The following STEAP1B variants were observed in gnomAD, a reference collection of about 807,000 sequenced individuals.
The protein encoded by STEAP1B is STEAP family member 1B, also known as STEAP family protein MGC87042.
Under a neutral mutation model 27.9 loss-of-function variants are expected in STEAP1B, and 13 were observed. The observed-to-expected ratio is 0.47, with a 90% CI of 0.30 to 0.74. STEAP1B has a LOEUF of 0.74. STEAP1B is among the 30% of genes least tolerant of loss of function. The pLI is 0.06. For missense variants in STEAP1B, 250 were observed against 298.7 expected, an observed-to-expected ratio of 0.84 and a Z score of 1.20; for synonymous variants, 86 against 107.1, an observed-to-expected ratio of 0.80 and a Z score of 1.22.
Position 22,419,828 on chromosome 7 carries a change from A to T in STEAP1B, c.771T>A (p.Gly257=), listed in dbSNP as rs1394472613. ...WREFHYIQVH[G]RINFLTL ...GTCACAAGGTCAGGAAGTTGATCCT[A>T]CCATGTACCTGGAAGGCAGACAGCA... Residue 257 remains glycine (G), a synonymous_variant, in exon 5 of 5, where the codon GGT becomes GGA. Transcript: ENST00000678116. 2 of 1,550,070 alleles carry T rather than the reference A, an allele frequency of 1.3e-6. No individual in the cohort carries two copies. Among genetic ancestry groups the T allele is most frequent in the East Asian group, 4.9e-5 (2 of 40,838 alleles).
At chr7:22,441,957 T>C (rs1370565948) in intron 4 of STEAP1B, among the ~76,000 whole-genome samples, 1 of 152,222 alleles carries the variant, frequency 6.6e-6, no homozygotes, top group Non-Finnish European at 1.5e-5. Flanking sequence ...GACTTTTCTT[T>C]CTTTAGTCAG....
intron 4 of STEAP1B, among the ~76,000 whole-genome samples, chr7:22,470,807 C>G (rs1785868467): frequency 6.6e-6 from 1 of 152,150 alleles, no homozygotes; most frequent in African/African-American, 2.4e-5. Context: ...TAAGCAGGAA[C>G]TGGGTGAAGC....
At chr7:22,444,558 A>C (rs918178974) in intron 4 of STEAP1B, among the ~76,000 whole-genome samples, 2 of 152,198 alleles carry the variant, frequency 1.3e-5, no homozygotes, top group African/African-American at 4.8e-5. Context: ...CATGGAGAAA[A>C]TGTCCCATCG....
At chr7:22,449,275 C>T (rs3114714) in intron 4 of STEAP1B, among the ~76,000 whole-genome samples, 1 of 151,958 alleles carries the variant, frequency 6.6e-6, no homozygotes, top group Non-Finnish European at 1.5e-5. Context: ...CATCCCCACC[C>T]CCTGATCTCC....
At chr7:22,455,711 T>C (rs908505083) in intron 4 of STEAP1B, among the ~76,000 whole-genome samples, 66 of 152,366 alleles carry the variant, frequency 4.3e-4, no homozygotes, top group African/African-American at 1.5e-3. Context: ...AAGATCAAAA[T>C]ACTGTGTCTT....
chr7:22,472,240 G>A (rs1785897813), intron 4 of STEAP1B, among the ~76,000 whole-genome samples: 1 of 152,208 alleles, frequency 6.6e-6, no homozygotes, highest in Admixed American at 6.5e-5. Flanking sequence ...CTGTGCAAAT[G>A]TGGTAAGTTG....
rs1351217823 is a variant in STEAP1B, at chr7:22,479,570, T to A, written c.762+12995A>T. Among the ~76,000 whole-genome samples the A allele has an allele frequency of 3.3e-5, 5 of 151,328 alleles. No individual in the cohort carries two copies. In the East Asian group the frequency reaches 9.7e-4, roughly 29 times the overall value. ...TATGTGTAACTTGCTGACTTCAGACTCCCCTAGTTGCCCACATACTAACTG... is the reference window on the plus strand; with the variant it reads ...TATGTGTAACTTGCTGACTTCAGACACCCCTAGTTGCCCACATACTAACTG... On this transcript the variant is annotated intron_variant, in intron 4 of 4. Coordinates refer to ENST00000678116, the MANE Select transcript of STEAP1B (RefSeq NM_001382447.1).
At chr7:22,482,968 C>T (rs1016130787) in intron 4 of STEAP1B, among the ~76,000 whole-genome samples, 9 of 151,882 alleles carry the variant, frequency 5.9e-5, no homozygotes, top group African/African-American at 1.7e-4. Flanking sequence ...ATGAGGTGCA[C>T]CTTGTCCATT....
At chr7:22,448,174 G>A (rs1481207995) in intron 4 of STEAP1B, among the ~76,000 whole-genome samples, 2 of 152,166 alleles carry the variant, frequency 1.3e-5, no homozygotes, top group African/African-American at 4.8e-5. Context: ...TTTTTCAGAT[G>A]AGACTTCAAG....
intron 4 of STEAP1B, among the ~76,000 whole-genome samples, chr7:22,428,088 C>T (rs1583627319): frequency 6.6e-6 from 1 of 152,154 alleles, no homozygotes; most frequent in East Asian, 1.9e-4. Context: ...TAAACTCATG[C>T]ACTGGCCAGA....
At chr7:22,437,574 G>A (rs570713519) in intron 4 of STEAP1B, among the ~76,000 whole-genome samples, 2 of 152,214 alleles carry the variant, frequency 1.3e-5, no homozygotes, top group Non-Finnish European at 2.9e-5. Flanking sequence ...AAGAAGTGCA[G>A]ATATCTCTTG....
intron 4 of STEAP1B, among the ~76,000 whole-genome samples, chr7:22,487,714 G>A: frequency 6.8e-6 from 1 of 146,068 alleles, no homozygotes; most frequent in Non-Finnish European, 1.5e-5. Flanking sequence ...TGAGGCAGGG[G>A]AAATCACTTG....
rs559079789 is a variant in STEAP1B, at chr7:22,494,741, T to G, written c.84+31A>C. ...GAATTATGTTTAAAGATGTAAATTA[T>G]TATTTATTATTGTCATTATTAATAT... On this transcript the variant is annotated intron_variant, in intron 2 of 4. Transcript: ENST00000678116. 14 of 1,346,514 alleles carry G rather than the reference T, an allele frequency of 1.0e-5. No individual in the cohort carries two copies. In the South Asian group the frequency reaches 1.8e-4, roughly 18 times the overall value. 83.4% of individuals were successfully genotyped at this position (1,346,514 alleles called of 1,614,324 possible). A position where few individuals can be genotyped will look rare whatever the true frequency, so the allele number is the denominator to read the frequency against.
chr7:22,482,448 G>A lies in STEAP1B; in HGVS notation c.762+10117C>T, dbSNP rs115673850. On this transcript the variant is annotated intron_variant, in intron 4 of 4. Transcript: ENST00000678116. ...AAGTTTAACTGGATTTAGTTATGTT[G>A]GTTTGCTAAGTCTGGTAGCCCTGGG... is the stretch of plus-strand genomic sequence containing the variant. Among the ~76,000 whole-genome samples the A allele has an allele frequency of 3.0e-3, 462 of 152,276 alleles. 4 individuals are homozygous for A. Among genetic ancestry groups the A allele is most frequent in the African/African-American group, 0.011 (443 of 41,536 alleles).
chr7:22,490,340 T>C (rs940628394), intron 4 of STEAP1B, among the ~76,000 whole-genome samples: 1 of 152,186 alleles, frequency 6.6e-6, no homozygotes, highest in African/African-American at 2.4e-5. Flanking sequence ...TTACTTATTA[T>C]GCCTCTATGT....
At chr7:22,473,745 T>C (rs1214500095) in intron 4 of STEAP1B, among the ~76,000 whole-genome samples, 3 of 152,180 alleles carry the variant, frequency 2.0e-5, no homozygotes, top group African/African-American at 7.2e-5. Context: ...GGACCCATGG[T>C]GATAGTTCCT....
chr7:22,472,105 T>G (rs1259633381), intron 4 of STEAP1B, among the ~76,000 whole-genome samples: 1 of 152,160 alleles, frequency 6.6e-6, no homozygotes, highest in African/African-American at 2.4e-5. Context: ...TGGAACTATT[T>G]ATCTTTGGAG....
At chr7:22,481,736 G>A (rs988117940) in intron 4 of STEAP1B, among the ~76,000 whole-genome samples, 3 of 152,228 alleles carry the variant, frequency 2.0e-5, no homozygotes, top group Non-Finnish European at 4.4e-5. Context: ...AGTGCACTTA[G>A]AGGGCTATGC....
chr7:22,493,372 T>G lies in STEAP1B; in HGVS notation c.549A>C (p.Ala183=). The change falls in exon 3 of 5, where the codon GCA becomes GCC. Residue 183 remains alanine (A), a synonymous_variant. Coordinates refer to ENST00000678116, the MANE Select transcript of STEAP1B (RefSeq NM_001382447.1). The part of the protein sequence containing the change: ...VLHAIYTLSY[A]MRRSYRYKLL... ...ACTTGTATCTGTAGGATCGCCTCAT[T>G]GCGTAAGACAGAGTATAAATTGCAT... 6.2e-7 allele frequency: 1 copy of G among 1,613,940 alleles called. No individual in the cohort carries two copies. Among genetic ancestry groups the G allele is most frequent in the Non-Finnish European group, 8.5e-7 (1 of 1,179,800 alleles).
Sources: gnomAD v4.1 joint callset for allele counts (sites outside exome capture counted in the v4.1 genomes callset) on GRCh38, gnomAD v4.1.1 for gene constraint, MANE v1.5 for transcripts, NCBI Gene and HGNC (gene_info 2026-07-23, HGNC 2026-07-21) for gene names.